Variants in COL23A1 observed in about 807,000 individuals in gnomAD.
COL23A1 encodes collagen alpha-1(XXIII) chain.
A neutral mutation model predicts 99.3 loss-of-function variants in COL23A1; 97 were observed. That is an observed-to-expected ratio of 0.98 (90% confidence interval 0.83 to 1.16). The LOEUF is 1.16. Among genes scored for constraint, COL23A1 ranks in the 50% most tolerant of loss-of-function variants. The pLI, the probability that COL23A1 is intolerant of heterozygous loss-of-function variation, is 0.00. For synonymous variants in COL23A1, 320 were observed against 308.2 expected, an observed-to-expected ratio of 1.04 and a Z score of -0.40; for missense variants, 762 against 757.4, an observed-to-expected ratio of 1.01 and a Z score of -0.07.
At chr5:178,406,340 G>A (rs1764761808) in intron 2 of COL23A1, among the ~76,000 whole-genome samples, 1 of 152,114 alleles carries the variant, frequency 6.6e-6, no homozygotes, top group African/African-American at 2.4e-5. Context: ...TCTTGGAGAA[G>A]TAGAGACATG....
At chr5:178,385,967 G>A (rs1763648096) in intron 2 of COL23A1, among the ~76,000 whole-genome samples, 1 of 152,132 alleles carries the variant, frequency 6.6e-6, no homozygotes, top group Non-Finnish European at 1.5e-5. Flanking sequence ...GAAAATCCAT[G>A]TGTCCTAACC....
At chr5:178,499,114 A>G (rs1758388827) in intron 2 of COL23A1, among the ~76,000 whole-genome samples, 1 of 152,148 alleles carries the variant, frequency 6.6e-6, no homozygotes, top group South Asian at 2.1e-4. Context: ...ATAAAATAAA[A>G]GCAAAAAGCT....
chr5:178,247,851 GGTTA>G lies in COL23A1; in HGVS notation c.1213-24_1213-21del. ...CTGAGCCTAGGGAGGGTGAGAGACA[GGTTA>G]GTCACCCACCGCCTGTCACCCTCAC... On this transcript the variant is annotated intron_variant, in intron 20 of 28. Transcript: ENST00000390654. The G allele has an allele frequency of 6.2e-7, 1 of 1,607,322 alleles. No homozygotes were observed. Among genetic ancestry groups the G allele is most frequent in the Non-Finnish European group, 8.5e-7 (1 of 1,176,238 alleles).
Position 178,525,710 on chromosome 5 carries a change from C to A in COL23A1, c.361+34972G>T, listed in dbSNP as rs528464045. On this transcript the variant is annotated intron_variant, in intron 2 of 28. Transcript: ENST00000390654. ...AGCTCACATGGCTGGTAAGAAATGG[C>A]GACACAGCGCGCAGACCCCAGGACC... Among the ~76,000 whole-genome samples the A allele has an allele frequency of 6.3e-4, 90 of 142,254 alleles. 2 individuals carry two copies. In the South Asian group the frequency reaches 9.3e-3, roughly 15 times the overall value. 93.3% of individuals were successfully genotyped at this position (142,254 alleles called of 152,430 possible). A position where few individuals can be genotyped will look rare whatever the true frequency, so the allele number is the denominator to read the frequency against.
At chr5:178,501,779 C>A (rs556038044) in intron 2 of COL23A1, among the ~76,000 whole-genome samples, 84 of 152,290 alleles carry the variant, frequency 5.5e-4, no homozygotes, top group African/African-American at 1.9e-3. Flanking sequence ...AGGCCAGTGA[C>A]AAGGCCCCAC....
chr5:178,585,368 C>T (rs1040596219), intron 1 of COL23A1, among the ~76,000 whole-genome samples: 1 of 146,508 alleles, frequency 6.8e-6, no homozygotes, highest in Non-Finnish European at 1.5e-5. Context: ...ATGGCCCCAG[C>T]TGACTCTAGG....
In COL23A1 at chr5:178,245,966, G is replaced by T. The variant is rs375055716; in HGVS notation, c.1416C>A (p.Gly472=). ...CATCTAGTCCTGGCTCCCCGGGTCT[G>T]CCCTGAGGAGAGACACAGAGTGGGT... is the stretch of plus-strand genomic sequence containing the variant. ...IGLPGTKGEK[G]RPGEPGLDGF... Residue 472 remains glycine, a splice_region_variant and synonymous_variant, in exon 25 of 29, where the codon GGC becomes GGA. Coordinates refer to ENST00000390654, the MANE Select transcript of COL23A1 (RefSeq NM_173465.4). 2 of 1,614,098 alleles carry T rather than the reference G, an allele frequency of 1.2e-6. No homozygotes were observed. Among genetic ancestry groups the T allele is most frequent in the South Asian group, 1.1e-5 (1 of 91,088 alleles).
intron 2 of COL23A1, among the ~76,000 whole-genome samples, chr5:178,393,547 T>TA (rs1040049611): frequency 1.3e-5 from 2 of 152,094 alleles, no homozygotes; most frequent in African/African-American, 4.8e-5. Context: ...TTTACTACAA[T>TA]AAAAAAATTT....
intron 2 of COL23A1, among the ~76,000 whole-genome samples, chr5:178,414,910 G>C (rs1019653685): frequency 6.6e-6 from 1 of 152,200 alleles, no homozygotes; most frequent in Non-Finnish European, 1.5e-5. Flanking sequence ...AGGTGATGAC[G>C]TGTGGAGGTG....
chr5:178,375,815 C>A (rs974923755), intron 2 of COL23A1, among the ~76,000 whole-genome samples: 1 of 152,198 alleles, frequency 6.6e-6, no homozygotes. Flanking sequence ...TCAAGTGATT[C>A]TTCTGCCTCA....
chr5:178,586,291 A>G (rs73346590), intron 1 of COL23A1, among the ~76,000 whole-genome samples: 1,996 of 152,332 alleles, frequency 0.013, 48 homozygotes, highest in African/African-American at 0.045. Flanking sequence ...ATTTGCATAC[A>G]TGGGAGCTGT....
At chr5:178,292,274 C>T (rs1298062769) in intron 3 of COL23A1, among the ~76,000 whole-genome samples, 1 of 152,186 alleles carries the variant, frequency 6.6e-6, no homozygotes, top group South Asian at 2.1e-4. Flanking sequence ...CAGGTTAACT[C>T]GGAAGAACTG....
chr5:178,450,393 C>T (rs935994297), intron 2 of COL23A1, among the ~76,000 whole-genome samples: 1 of 152,206 alleles, frequency 6.6e-6, no homozygotes, highest in Non-Finnish European at 1.5e-5. Flanking sequence ...GTGCGTGCCA[C>T]CCCGCCCTTT....
chr5:178,542,942 G>A (rs1361109746), intron 2 of COL23A1, among the ~76,000 whole-genome samples: 2 of 152,226 alleles, frequency 1.3e-5, no homozygotes, highest in East Asian at 3.8e-4. Context: ...TTAAAGCACA[G>A]CAAAAGCTCT....
At chr5:178,584,308 C>CA in intron 1 of COL23A1, among the ~76,000 whole-genome samples, 2 of 145,140 alleles carry the variant, frequency 1.4e-5, no homozygotes, top group Non-Finnish European at 3.0e-5. Flanking sequence ...CTGCACCTGG[C>CA]CACACACACA....
intron 2 of COL23A1, among the ~76,000 whole-genome samples, chr5:178,519,013 C>T (rs1454096806): frequency 7.3e-5 from 11 of 150,194 alleles, no homozygotes; most frequent in Non-Finnish European, 1.0e-4. Context: ...GCGACTGTCC[C>T]GGCTCCGCAC....
chr5:178,380,231 A>G (rs956408989), intron 2 of COL23A1, among the ~76,000 whole-genome samples: 1 of 152,230 alleles, frequency 6.6e-6, no homozygotes, highest in African/African-American at 2.4e-5. Context: ...GTGTTGGAGC[A>G]GGATGAAGAC....
At chr5:178,497,172 C>T (rs1327793387) in intron 2 of COL23A1, among the ~76,000 whole-genome samples, 2 of 152,162 alleles carry the variant, frequency 1.3e-5, no homozygotes, top group African/African-American at 4.8e-5. Context: ...GGATCCCACC[C>T]ACTACATAGA....
At chr5:178,518,417 C>G (rs1207051523) in intron 2 of COL23A1, among the ~76,000 whole-genome samples, 1 of 151,344 alleles carries the variant, frequency 6.6e-6, no homozygotes, top group Admixed American at 6.6e-5. Flanking sequence ...TTGGGCACAC[C>G]TCCCAGACGG....
Sources: gnomAD v4.1 joint callset for allele counts (sites outside exome capture counted in the v4.1 genomes callset) on GRCh38, gnomAD v4.1.1 for gene constraint, MANE v1.5 for transcripts, NCBI Gene and HGNC (gene_info 2026-07-23, HGNC 2026-07-21) for gene names.